The following JARID2 variants were observed in gnomAD, a reference collection of about 807,000 sequenced individuals.
The protein encoded by JARID2 is jumonji and AT-rich interaction domain containing 2.
JARID2 carries 21 observed loss-of-function variants against 125.6 expected under a neutral mutation model. The observed-to-expected ratio is 0.17, with a 90% CI of 0.12 to 0.24. JARID2 has a LOEUF of 0.24. Ranked by LOEUF, JARID2 falls within the 10% of genes least tolerant of loss-of-function variation. The pLI is 1.00. For synonymous variants in JARID2, 736 were observed against 661.6 expected (o/e 1.11, Z -1.73); for missense variants, 1,303 against 1,639.6 (o/e 0.79, Z 3.55).
At chr6:15,406,388 T>C (rs1049866301) in intron 2 of JARID2, among the ~76,000 whole-genome samples, 3 of 152,192 alleles carry the variant, frequency 2.0e-5, no homozygotes, top group African/African-American at 7.2e-5. Context: ...GAGCCAAGAT[T>C]GTGCCACTGC....
At chr6:15,445,815 A>G (rs1028404133) in intron 3 of JARID2, among the ~76,000 whole-genome samples, 6 of 152,208 alleles carry the variant, frequency 3.9e-5, no homozygotes, top group Admixed American at 6.5e-5. Flanking sequence ...AGAATGGGCA[A>G]GTGGCATGGT....
At chr6:15,402,148 A>G (rs890916397) in intron 2 of JARID2, among the ~76,000 whole-genome samples, 1 of 152,172 alleles carries the variant, frequency 6.6e-6, no homozygotes, top group South Asian at 2.1e-4. Flanking sequence ...CTGTTTATTT[A>G]TCTACAAATT....
At chr6:15,265,366 TAA>T (rs11291217) in intron 1 of JARID2, among the ~76,000 whole-genome samples, 187 of 143,276 alleles carry the variant, frequency 1.3e-3, no homozygotes, top group South Asian at 5.6e-3. Flanking sequence ...AGGTTTGCAT[TAA>T]AAAAAAAAAA....
chr6:15,258,305 G>A (rs981087329), intron 1 of JARID2, among the ~76,000 whole-genome samples: 4 of 152,190 alleles, frequency 2.6e-5, no homozygotes, highest in African/African-American at 7.2e-5. Context: ...TGGGAGGAGA[G>A]CACTGGCTTT....
chr6:15,324,043 G>T (rs944619612), intron 1 of JARID2, among the ~76,000 whole-genome samples: 11 of 151,944 alleles, frequency 7.2e-5, no homozygotes, highest in Non-Finnish European at 1.6e-4. Context: ...TTAGCCGGGC[G>T]TGGTGGCGGG....
At chr6:15,325,838 T>C (rs1260788501) in intron 1 of JARID2, among the ~76,000 whole-genome samples, 5 of 152,170 alleles carry the variant, frequency 3.3e-5, no homozygotes, top group Non-Finnish European at 7.3e-5. Flanking sequence ...TGATATGTGA[T>C]ATTGCATCAG....
intron 1 of JARID2, among the ~76,000 whole-genome samples, chr6:15,259,213 C>G (rs1759781893): frequency 6.6e-6 from 1 of 152,190 alleles, no homozygotes; most frequent in Non-Finnish European, 1.5e-5. Flanking sequence ...GCAAGATGTA[C>G]CCTTAGAGAT....
Position 15,351,856 on chromosome 6 carries a change from A to G in JARID2, c.46-22261A>G, listed in dbSNP as rs569414839. 9.9e-5 allele frequency among the ~76,000 whole-genome samples: 15 copies of G among 152,256 alleles called. No homozygotes were observed. In the South Asian group the frequency reaches 2.9e-3, roughly 30 times the overall value. ...GTCACTCACCCTCTTGGTTCTTCCA[A>G]GTGCTCTCCACTCCCCGCTTCCCTC... On this transcript the variant is annotated intron_variant, in intron 1 of 17. Coordinates refer to ENST00000341776, the MANE Select transcript of JARID2 (RefSeq NM_004973.4).
chr6:15,282,402 A>C (rs903466277), intron 1 of JARID2, among the ~76,000 whole-genome samples: 4 of 151,698 alleles, frequency 2.6e-5, no homozygotes, highest in Non-Finnish European at 1.5e-5. Context: ...ATCACTCATC[A>C]TTGTCTTAAT....
At chr6:15,466,632 TCAA>T (rs1428982852) in intron 4 of JARID2, among the ~76,000 whole-genome samples, 2 of 152,230 alleles carry the variant, frequency 1.3e-5, no homozygotes, top group Non-Finnish European at 2.9e-5. Context: ...GGAAGAGGGA[TCAA>T]CAACATTGTT....
chr6:15,469,392 C>CTCTCCCCCTCTCCCCT, intron 5 of JARID2, among the ~76,000 whole-genome samples: 1 of 62,194 alleles, frequency 1.6e-5, no homozygotes, highest in Admixed American at 1.7e-4. Flanking sequence ...CCCTCTCCCC[C>CTCTCCCCCTCTCCCCT]TTTCCCCCTC....
chr6:15,309,420 G>C (rs1253936902), intron 1 of JARID2, among the ~76,000 whole-genome samples: 2 of 151,994 alleles, frequency 1.3e-5, no homozygotes, highest in Non-Finnish European at 2.9e-5. Context: ...TTGGCCACAA[G>C]GATGTGTAGT....
intron 5 of JARID2, among the ~76,000 whole-genome samples, chr6:15,475,487 A>G (rs912572551): frequency 6.6e-6 from 1 of 152,200 alleles, no homozygotes; most frequent in Non-Finnish European, 1.5e-5. Flanking sequence ...TCGCCGTGCA[A>G]CTAGCATTTT....
At chr6:15,330,997 C>G (rs367991494) in intron 1 of JARID2, among the ~76,000 whole-genome samples, 17 of 152,258 alleles carry the variant, frequency 1.1e-4, no homozygotes, top group African/African-American at 3.9e-4. Context: ...CACTAGACTT[C>G]ATTGTCTTGT....
At chr6:15,501,481 G>T in intron 8 of JARID2, 72 bp downstream of exon 8, 4 of 1,413,020 alleles carry the variant, frequency 2.8e-6, no homozygotes, top group Non-Finnish European at 3.8e-6. Context: ...AGTGGAGCGT[G>T]CTATGCACTG....
intron 2 of JARID2, among the ~76,000 whole-genome samples, chr6:15,400,228 C>T (rs1486259476): frequency 2.6e-5 from 4 of 151,946 alleles, no homozygotes; most frequent in African/African-American, 9.7e-5. Flanking sequence ...TTGGTGGGGG[C>T]AGCGGTGGCC....
intron 2 of JARID2, among the ~76,000 whole-genome samples, chr6:15,389,270 C>T (rs1764911449): frequency 1.3e-5 from 2 of 152,212 alleles, no homozygotes; most frequent in Admixed American, 6.5e-5. Flanking sequence ...AGCAACCCTC[C>T]CACCTCAGCC....
intron 1 of JARID2, among the ~76,000 whole-genome samples, chr6:15,265,015 CA>C (rs1232611709): frequency 2.1e-4 from 32 of 152,096 alleles, no homozygotes; most frequent in Admixed American, 2.1e-3. Flanking sequence ...GGGGCCTTTA[CA>C]AATGCAAAAA....
chr6:15,508,990 A>G (rs1256756182), intron 12 of JARID2: 2 of 1,289,174 alleles, frequency 1.6e-6, no homozygotes, highest in Non-Finnish European at 2.0e-6. Context: ...GTGTTTCCTC[A>G]TCTATCGGTG....
Sources: allele counts gnomAD v4.1 joint callset (sites outside exome capture counted in the v4.1 genomes callset), GRCh38; gene constraint gnomAD v4.1.1; transcripts MANE v1.5; gene names NCBI Gene and HGNC (gene_info 2026-07-23, HGNC 2026-07-21).